DTNA: variants seen among roughly 807,000 people sequenced by gnomAD.
DTNA encodes the protein dystrophin-related protein 3.
DTNA carries 43 observed loss-of-function variants against 100.7 expected under a neutral mutation model. The observed-to-expected ratio is 0.43, with a 90% confidence interval of 0.33 to 0.55. DTNA has a LOEUF of 0.55. DTNA is among the 20% of genes least tolerant of loss of function. The pLI is 0.04. For synonymous variants in DTNA, 349 were observed against 347.9 expected (o/e 1.00, Z -0.04); for missense variants, 798 against 953.9 (o/e 0.84, Z 2.15).
At chr18:34,875,507 C>A in intron 18 of DTNA, 109 bp downstream of exon 18, 2 of 1,501,624 alleles carry the variant, frequency 1.3e-6, no homozygotes, top group Non-Finnish European at 1.8e-6. Context: ...ATTGTAGGGT[C>A]TTTCATGGCT....
intron 1 of DTNA, among the ~76,000 whole-genome samples, chr18:34,589,117 T>C (rs2049427650): frequency 6.6e-6 from 1 of 152,026 alleles, no homozygotes; most frequent in Non-Finnish European, 1.5e-5. Flanking sequence ...ATAACAGGTG[T>C]CCATTTCAAC....
intron 15 of DTNA, among the ~76,000 whole-genome samples, chr18:34,852,934 G>C (rs1206265562): frequency 6.6e-6 from 1 of 152,174 alleles, no homozygotes; most frequent in East Asian, 1.9e-4. Context: ...AAATAATCAT[G>C]TGTGTTTGTT....
intron 1 of DTNA, among the ~76,000 whole-genome samples, chr18:34,505,322 A>C (rs1398837518): frequency 1.3e-5 from 2 of 152,186 alleles, no homozygotes; most frequent in Admixed American, 1.3e-4. Context: ...CTTTAAGGAC[A>C]CTGTGATTAC....
rs375644501 is a variant in DTNA at position 34,670,381 on chromosome 18, C to T, written c.-1-85595C>T. Among the ~76,000 whole-genome samples the T allele has an allele frequency of 1.1e-4, 16 of 152,314 alleles. No individual in the cohort carries two copies. The East Asian group carries it at 3.1e-3, about 29-fold the overall frequency. On this transcript the variant is annotated intron_variant, in intron 1 of 19. Coordinates refer to the DTNA transcript ENST00000283365. ...AATGGGTTTGAACTTCCTCCTTTAG[C>T]TCGGAGAAGTTTGATCGTCTGAAGC... is the stretch of plus-strand genomic sequence containing the variant.
At chr18:34,628,876 C>T (rs2057696563) in intron 1 of DTNA, among the ~76,000 whole-genome samples, 1 of 152,142 alleles carries the variant, frequency 6.6e-6, no homozygotes, top group African/African-American at 2.4e-5. Context: ...GCATGCTATT[C>T]ACAGTACAAT....
chr18:34,706,514 C>T (rs2146336095), upstream of DTNA, among the ~76,000 whole-genome samples: 1 of 151,852 alleles, frequency 6.6e-6, no homozygotes, highest in South Asian at 2.1e-4. Context: ...TGAAAAAATA[C>T]AAAAACAGAG....
intron 1 of DTNA, among the ~76,000 whole-genome samples, chr18:34,544,318 T>C (rs2044545799): frequency 6.6e-6 from 1 of 151,902 alleles, no homozygotes; most frequent in Non-Finnish European, 1.5e-5. Context: ...TAAATAAATA[T>C]GTTTTTTTAA....
Position 34,888,629 on chromosome 18 carries a change from C to T in DTNA, c.*895C>T, listed in dbSNP as rs775707477. 25 of 985,664 alleles carry T rather than the reference C, an allele frequency of 2.5e-5. No homozygotes were observed. The highest frequency in any genetic ancestry group is 2.9e-5 in the Non-Finnish European group (24 of 829,928). The allele number at this position is 985,664 out of a possible 1,614,324, so 61.1% of individuals were successfully genotyped here. A position where few individuals can be genotyped will look rare whatever the true frequency, so the allele number is the denominator to read the frequency against. The stretch of plus-strand genomic sequence containing the variant: ...CACAGATCTTCTTAAAAACTGTGAA[C>T]TATGTTTTGAAATACTCGTTACTAA... On this transcript the variant is annotated 3_prime_UTR_variant, in exon 23 of 23. Coordinates refer to ENST00000444659, the MANE Select transcript of DTNA (RefSeq NM_001386795.1).
intron 1 of DTNA, among the ~76,000 whole-genome samples, chr18:34,684,089 G>C (rs2078512368): frequency 6.6e-6 from 1 of 152,098 alleles, no homozygotes; most frequent in Non-Finnish European, 1.5e-5. Context: ...CGTTGGGAGA[G>C]AGGGATGGGA....
chr18:34,837,678 A>G (rs554902113), intron 11 of DTNA, among the ~76,000 whole-genome samples: 2 of 152,322 alleles, frequency 1.3e-5, no homozygotes, highest in African/African-American at 4.8e-5. Flanking sequence ...GGTAATTTTC[A>G]AGTCTTTCTA....
chr18:34,498,303 G>A (rs1305508826), intron 1 of DTNA, among the ~76,000 whole-genome samples: 8 of 151,746 alleles, frequency 5.3e-5, no homozygotes, highest in Non-Finnish European at 1.0e-4. Flanking sequence ...ACCTACAGGC[G>A]GGACCTGTAG....
chr18:34,577,868 C>T (rs944830095), intron 1 of DTNA, among the ~76,000 whole-genome samples: 10 of 151,388 alleles, frequency 6.6e-5, no homozygotes, highest in Non-Finnish European at 1.0e-4. Context: ...GATTGATGGG[C>T]ATTTGGATTG....
At position 34,766,186 on chromosome 18, in the gene DTNA, G is replaced by A. The variant is rs2093457030; in HGVS notation, c.148+145G>A. ...ACAACAATAAAAGGGGTATTATGAG[G>A]CACAAATGGTAGAGATGACTCCTAA... On this transcript the variant is annotated intron_variant, in intron 3 of 22. Coordinates refer to ENST00000444659, the MANE Select transcript of DTNA (RefSeq NM_001386795.1). 3.3e-6 allele frequency: 3 copies of A among 909,346 alleles called. 1 individual carries two copies. Among genetic ancestry groups the A allele is most frequent in the Non-Finnish European group, 5.1e-6 (3 of 584,768 alleles). The allele number at this position is 909,346 out of a possible 1,614,324, so 56.3% of individuals were successfully genotyped here.
At chr18:34,848,212 A>T in intron 13 of DTNA, 84 bp from the exon 14 acceptor site, 3 of 1,329,786 alleles carry the variant, frequency 2.3e-6, no homozygotes, top group Non-Finnish European at 3.2e-6. Flanking sequence ...AAACATTGAA[A>T]TAGTAAAAAC....
intron 22 of DTNA, among the ~76,000 whole-genome samples, chr18:34,886,915 G>T (rs896836161): frequency 6.6e-6 from 1 of 152,162 alleles, no homozygotes; most frequent in African/African-American, 2.4e-5. Context: ...GTGCATTTTA[G>T]GCCAGTTTAT....
chr18:34,590,066 G>A (rs2049548968), intron 1 of DTNA, among the ~76,000 whole-genome samples: 1 of 152,176 alleles, frequency 6.6e-6, no homozygotes, highest in South Asian at 2.1e-4. Flanking sequence ...CAATGAGCAT[G>A]GAAGTACAGA....
intron 3 of DTNA, among the ~76,000 whole-genome samples, chr18:34,789,349 A>G (rs1211503913): frequency 6.6e-6 from 1 of 152,240 alleles, no homozygotes; most frequent in African/African-American, 2.4e-5. Flanking sequence ...TTTAAGCTGC[A>G]TTCCTGATCA....
intron 14 of DTNA, among the ~76,000 whole-genome samples, chr18:34,850,739 A>G (rs1330592864): frequency 6.6e-6 from 1 of 152,262 alleles, no homozygotes; most frequent in Non-Finnish European, 1.5e-5. Context: ...AAAGCAAGAC[A>G]TACATAAGTG....
intron 1 of DTNA, among the ~76,000 whole-genome samples, chr18:34,586,536 T>C (rs1045785740): frequency 1.3e-5 from 2 of 152,076 alleles, no homozygotes; most frequent in African/African-American, 4.8e-5. Context: ...CAAATGAATA[T>C]GCTGACTCTA....
Sources: gnomAD v4.1 joint callset for allele counts (sites outside exome capture counted in the v4.1 genomes callset) on GRCh38, gnomAD v4.1.1 for gene constraint, MANE v1.5 for transcripts, NCBI Gene and HGNC (gene_info 2026-07-23, HGNC 2026-07-21) for gene names.